The following ZFAND3 variants were observed in gnomAD, a reference collection of about 807,000 sequenced individuals.
ZFAND3 encodes AN1-type zinc finger protein 3.
Under a neutral mutation model 29.6 loss-of-function variants are expected in ZFAND3, and 10 were observed. That is an observed-to-expected ratio of 0.34 (90% CI 0.21 to 0.57). ZFAND3 has a LOEUF of 0.57. Ranked by LOEUF, ZFAND3 falls within the 20% of genes least tolerant of loss-of-function variation. The pLI is 0.86. For synonymous variants in ZFAND3, 128 were observed against 112.6 expected, an observed-to-expected ratio of 1.14 and a Z score of -0.87; for missense variants, 230 against 304.5, an observed-to-expected ratio of 0.76 and a Z score of 1.82.
chr6:37,901,960 A>G (rs1472271704), intron 1 of ZFAND3, among the ~76,000 whole-genome samples: 2 of 152,206 alleles, frequency 1.3e-5, no homozygotes, highest in African/African-American at 2.4e-5. Flanking sequence ...TATAAAACCA[A>G]TTGACATGTA....
At chr6:38,092,268 C>T (rs1764888950) in intron 4 of ZFAND3, among the ~76,000 whole-genome samples, 1 of 152,194 alleles carries the variant, frequency 6.6e-6, no homozygotes, top group Admixed American at 6.5e-5. Context: ...CAGTCCAGCA[C>T]TTTACTAAAA....
chr6:38,023,640 C>T (rs79411716), intron 2 of ZFAND3, among the ~76,000 whole-genome samples: 2,716 of 152,132 alleles, frequency 0.018, 41 homozygotes, highest in Middle Eastern at 0.037. Context: ...TTCATTTTGG[C>T]ATGAGGAAAA....
At chr6:37,917,153 T>G (rs1761274739) in intron 1 of ZFAND3, among the ~76,000 whole-genome samples, 1 of 152,234 alleles carries the variant, frequency 6.6e-6, no homozygotes, top group Non-Finnish European at 1.5e-5. Context: ...ATATATAGAG[T>G]TCAGTACTAT....
At chr6:38,034,181 C>T (rs113261626) in intron 2 of ZFAND3, among the ~76,000 whole-genome samples, 82 of 152,152 alleles carry the variant, frequency 5.4e-4, no homozygotes, top group Non-Finnish European at 1.1e-3. Flanking sequence ...TGCCAGATTG[C>T]ATCTACAGTG....
intron 5 of ZFAND3, among the ~76,000 whole-genome samples, chr6:38,150,357 C>T (rs1340536808): frequency 6.6e-6 from 1 of 152,166 alleles, no homozygotes; most frequent in Non-Finnish European, 1.5e-5. Context: ...ATAATGTTTC[C>T]TCACACAATG....
chr6:37,941,583 C>T (rs932307650), intron 2 of ZFAND3, among the ~76,000 whole-genome samples: 6 of 152,180 alleles, frequency 3.9e-5, no homozygotes, highest in Admixed American at 6.5e-5. Flanking sequence ...ATTAACCTTG[C>T]TCTCTGTGCT....
intron 4 of ZFAND3, among the ~76,000 whole-genome samples, chr6:38,110,811 T>C (rs1335707923): frequency 6.6e-6 from 1 of 152,196 alleles, no homozygotes; most frequent in Non-Finnish European, 1.5e-5. Flanking sequence ...TATTCTGTAT[T>C]GTGAGTGTTG....
In ZFAND3 at chr6:37,819,880, A is replaced by G; in HGVS notation, c.-66A>G. 7.5e-6 allele frequency: 8 copies of G among 1,066,668 alleles called. No individual in the cohort carries two copies. Among genetic ancestry groups the G allele is most frequent in the Non-Finnish European group, 9.3e-6 (8 of 860,534 alleles). The allele number at this position is 1,066,668 out of a possible 1,614,324, so 66.1% of individuals were successfully genotyped here. ...CCGACGCCGCCGCCACCGCCTCCTCAGAGCGGGGCCCGGGCCCAGCCGCCG... is the reference window on the plus strand; with the variant it reads ...CCGACGCCGCCGCCACCGCCTCCTCGGAGCGGGGCCCGGGCCCAGCCGCCG... On this transcript the variant is annotated 5_prime_UTR_variant, in exon 1 of 6. Transcript: ENST00000287218.
chr6:37,907,564 A>AT (rs990684237), intron 1 of ZFAND3, among the ~76,000 whole-genome samples: 10 of 151,972 alleles, frequency 6.6e-5, no homozygotes, highest in African/African-American at 2.4e-4. Context: ...CTGTAGTTCT[A>AT]TTTTTTATTA....
chr6:37,941,620 G>GTC (rs752028585), intron 2 of ZFAND3, among the ~76,000 whole-genome samples: 4 of 152,126 alleles, frequency 2.6e-5, no homozygotes, highest in African/African-American at 4.8e-5. Context: ...TTTCTATTTA[G>GTC]TCTCCTGTGT....
intron 1 of ZFAND3, among the ~76,000 whole-genome samples, chr6:37,884,511 A>T (rs1764955693): frequency 7.0e-6 from 1 of 142,710 alleles, no homozygotes; most frequent in Non-Finnish European, 1.5e-5. Flanking sequence ...AAAAAAAAAA[A>T]AAAAAAAAGA....
At position 38,154,486 on chromosome 6, in the gene ZFAND3, C is replaced by T; in HGVS notation, c.*2097C>T. ...TTTAAAAGAGAAAATCTTATTTAAC[C>T]CTTTTGTGTTCTAGATTTACTTACA... is the stretch of plus-strand genomic sequence containing the variant. On this transcript the variant is annotated 3_prime_UTR_variant, in exon 6 of 6. Transcript: ENST00000287218. 1 of 983,270 alleles carries T rather than the reference C, an allele frequency of 1.0e-6. No homozygotes were observed. The highest frequency in any genetic ancestry group is 1.2e-6 in the Non-Finnish European group (1 of 827,694). The allele number at this position is 983,270 out of a possible 1,614,324, so 60.9% of individuals were successfully genotyped here. A position where few individuals can be genotyped will look rare whatever the true frequency, so the allele number is the denominator to read the frequency against.
intron 1 of ZFAND3, among the ~76,000 whole-genome samples, chr6:37,834,709 T>C (rs866398236): frequency 4.1e-5 from 6 of 145,570 alleles, no homozygotes; most frequent in South Asian, 2.1e-4. Flanking sequence ...TATCATTATG[T>C]ATATATAATG....
intron 5 of ZFAND3, among the ~76,000 whole-genome samples, chr6:38,139,765 T>TACTGGAAAAAAGTTCCGAG (rs1765911943): frequency 6.6e-6 from 1 of 152,190 alleles, no homozygotes; most frequent in Non-Finnish European, 1.5e-5. Flanking sequence ...AGGAAGCTGT[T>TACTGGAAAAAAGTTCCGAG]GCAGTAGCCT....
At chr6:37,838,848 C>T (rs73417491) in intron 1 of ZFAND3, among the ~76,000 whole-genome samples, 10,143 of 152,220 alleles carry the variant, frequency 0.067, 402 homozygotes, top group Non-Finnish European at 0.085. Flanking sequence ...AGGGGAATTT[C>T]GGGATGATAT....
At chr6:37,984,700 G>T (rs1248535530) in intron 2 of ZFAND3, among the ~76,000 whole-genome samples, 1 of 152,198 alleles carries the variant, frequency 6.6e-6, no homozygotes, top group African/African-American at 2.4e-5. Flanking sequence ...CTACATTCCA[G>T]CATCCAGGTG....
At chr6:37,891,571 C>T in intron 1 of ZFAND3, among the ~76,000 whole-genome samples, 1 of 148,438 alleles carries the variant, frequency 6.7e-6, no homozygotes, top group Admixed American at 6.7e-5. Context: ...TGCTGCACTC[C>T]AGCCTGGGCT....
At chr6:38,127,473 C>T (rs980282107) in intron 5 of ZFAND3, among the ~76,000 whole-genome samples, 3 of 152,194 alleles carry the variant, frequency 2.0e-5, no homozygotes, top group African/African-American at 7.2e-5. Flanking sequence ...TGGTGAAAGC[C>T]TGCAACCTGA....
chr6:37,882,511 A>C (rs1462283652), intron 1 of ZFAND3, among the ~76,000 whole-genome samples: 1 of 152,172 alleles, frequency 6.6e-6, no homozygotes, highest in Non-Finnish European at 1.5e-5. Flanking sequence ...AGTCCCTGCT[A>C]CACACACTGC....
Sources: allele counts gnomAD v4.1 joint callset (sites outside exome capture counted in the v4.1 genomes callset), GRCh38; gene constraint gnomAD v4.1.1; transcripts MANE v1.5; gene names NCBI Gene and HGNC (gene_info 2026-07-23, HGNC 2026-07-21).